PTPRG: variants seen among roughly 807,000 people sequenced by gnomAD.
The protein encoded by PTPRG is protein tyrosine phosphatase receptor type G.
In PTPRG, 102 loss-of-function variants were observed where a neutral mutation model predicts 165.3. The ratio of observed to expected loss-of-function variants is 0.62; its 90% CI spans 0.53 to 0.73. The LOEUF is 0.73. PTPRG is among the 30% of genes least tolerant of loss of function. The pLI, the probability that PTPRG is intolerant of heterozygous loss-of-function variation, is 0.00. For missense variants in PTPRG, 1,866 were observed against 1,861.4 expected, an observed-to-expected ratio of 1.00 and a Z score of -0.05; for synonymous variants, 675 against 669.5, an observed-to-expected ratio of 1.01 and a Z score of -0.13.
intron 12 of PTPRG, among the ~76,000 whole-genome samples, chr3:62,216,953 G>C (rs1028700410): frequency 1.1e-4 from 16 of 152,234 alleles, no homozygotes; most frequent in African/African-American, 3.9e-4. Context: ...TGGAGACCTG[G>C]GCTTGGAGAG....
chr3:62,034,068 C>T (rs1191166811), intron 4 of PTPRG, among the ~76,000 whole-genome samples: 1 of 152,156 alleles, frequency 6.6e-6, no homozygotes, highest in Non-Finnish European at 1.5e-5. Flanking sequence ...GCCCGGCCAG[C>T]TGATGATCCT....
intron 2 of PTPRG, among the ~76,000 whole-genome samples, chr3:61,871,158 GTGTTGTGTTA>G (rs1393314597): frequency 0.031 from 3,931 of 126,436 alleles, 95 homozygotes; most frequent in South Asian, 0.049. Flanking sequence ...GTGTTGTGTT[GTGTTGTGTTA>G]TGTTATGTTA....
chr3:62,131,310 C>A (rs1439949475), intron 5 of PTPRG, among the ~76,000 whole-genome samples: 1 of 152,166 alleles, frequency 6.6e-6, no homozygotes, highest in African/African-American at 2.4e-5. Flanking sequence ...GCAATATCTC[C>A]CCCATTTGAG....
intron 5 of PTPRG, among the ~76,000 whole-genome samples, chr3:62,095,206 C>T (rs1702070862): frequency 6.6e-6 from 1 of 152,186 alleles, no homozygotes; most frequent in African/African-American, 2.4e-5. Context: ...GTTAAGCAGA[C>T]AGTCTTGGTG....
chr3:62,265,896 T>TATATAC (rs1553662684), intron 17 of PTPRG, among the ~76,000 whole-genome samples: 7 of 130,612 alleles, frequency 5.4e-5, no homozygotes, highest in African/African-American at 1.7e-4. Context: ...GTGCCTTATA[T>TATATAC]ACACACACAC....
At chr3:61,754,321 G>A (rs1275630889) in intron 2 of PTPRG, among the ~76,000 whole-genome samples, 1 of 152,216 alleles carries the variant, frequency 6.6e-6, no homozygotes, top group Non-Finnish European at 1.5e-5. Context: ...ATTGGCACCT[G>A]TAGTATGTAC....
chr3:61,710,770 C>A (rs2031510713), intron 1 of PTPRG, among the ~76,000 whole-genome samples: 1 of 151,910 alleles, frequency 6.6e-6, no homozygotes, highest in South Asian at 2.1e-4. Flanking sequence ...TCTTTACTTT[C>A]TTTTTATTAT....
At chr3:61,787,421 T>TG (rs2034739491) in intron 2 of PTPRG, among the ~76,000 whole-genome samples, 1 of 152,214 alleles carries the variant, frequency 6.6e-6, no homozygotes, top group Non-Finnish European at 1.5e-5. Context: ...TGCCTCTGTT[T>TG]GAAAAACTTT....
intron 6 of PTPRG, among the ~76,000 whole-genome samples, chr3:62,135,859 C>T (rs1703689800): frequency 6.6e-6 from 1 of 152,140 alleles, no homozygotes; most frequent in African/African-American, 2.4e-5. Context: ...CAGAGAGCCC[C>T]AGAGCAAAGA....
chr3:61,844,149 A>G (rs962120616), intron 2 of PTPRG, among the ~76,000 whole-genome samples: 4 of 152,026 alleles, frequency 2.6e-5, no homozygotes, highest in African/African-American at 9.7e-5. Context: ...TTTTTAGTAG[A>G]GATGGGGTTT....
At chr3:61,645,807 G>A (rs923711618) in intron 1 of PTPRG, among the ~76,000 whole-genome samples, 1 of 152,224 alleles carries the variant, frequency 6.6e-6, no homozygotes, top group African/African-American at 2.4e-5. Context: ...ACAATAACAG[G>A]CAGTTGCCTG....
chr3:61,666,030 T>C (rs985792407), intron 1 of PTPRG, among the ~76,000 whole-genome samples: 1 of 151,596 alleles, frequency 6.6e-6, no homozygotes, highest in African/African-American at 2.4e-5. Flanking sequence ...TACTGGGAAC[T>C]GGAAACAGGT....
In PTPRG at chr3:61,562,319, T is replaced by C. The variant is rs963262600; in HGVS notation, c.32T>C (p.Ile11Thr). 6.2e-7 allele frequency: 1 copy of C among 1,613,526 alleles called. No individual in the cohort carries two copies. Among genetic ancestry groups the C allele is most frequent in the African/African-American group, 1.3e-5 (1 of 74,908 alleles). MRRLLEPCWW[I>T]LFLKITSSVL... is the part of the protein sequence containing the mutation. ...AGGTTACTGGAACCGTGTTGGTGGA[T>C]TTTGTTCCTGAAAATCACCAGTTCC... The change falls in exon 1 of 30, where the codon ATT becomes ACT. Residue 11 changes from isoleucine (I) to threonine (T), a missense_variant. This residue lies in a region of PTPRG where 408 missense variants were observed against 376.2 expected (regional missense o/e 1.08). Transcript: ENST00000474889.
chr3:62,117,885 G>A (rs1325073001), intron 5 of PTPRG, among the ~76,000 whole-genome samples: 2 of 152,200 alleles, frequency 1.3e-5, no homozygotes, highest in Non-Finnish European at 2.9e-5. Context: ...TTTGTTGAAT[G>A]TATGAATTAG....
rs1700586418 is a variant in PTPRG at position 62,219,064 on chromosome 3, C to G, written c.2288+81C>G. ...TGCTCACGGGAGGGGAATCCCACGG[C>G]CTCTGCATTCAGGAAGGTGAGGTAG... On this transcript the variant is annotated intron_variant, in intron 13 of 29. Coordinates refer to ENST00000474889, the MANE Select transcript of PTPRG (RefSeq NM_002841.4). This position sits in a 1 kb window ranked among gnomAD's most constrained non-coding sequence, Gnocchi z 4.5. 2 of 1,530,468 alleles carry G rather than the reference C, an allele frequency of 1.3e-6. No homozygotes were observed. Among genetic ancestry groups the G allele is most frequent in the Non-Finnish European group, 1.8e-6 (2 of 1,128,202 alleles). The allele number at this position is 1,530,468 out of a possible 1,614,324, so 94.8% of individuals were successfully genotyped here.
chr3:62,022,391 T>C (rs567916661), intron 4 of PTPRG, among the ~76,000 whole-genome samples: 1 of 152,302 alleles, frequency 6.6e-6, no homozygotes, highest in Admixed American at 6.5e-5. Context: ...ACAATACCAG[T>C]ATCTATGGGC....
At chr3:61,976,171 A>G (rs550154816) in intron 2 of PTPRG, among the ~76,000 whole-genome samples, 4 of 152,334 alleles carry the variant, frequency 2.6e-5, no homozygotes, top group Admixed American at 2.0e-4. Flanking sequence ...CAGAGTTGAC[A>G]TGGAGAAATG....
At chr3:62,136,387 G>A (rs1703710251) in intron 6 of PTPRG, among the ~76,000 whole-genome samples, 1 of 152,204 alleles carries the variant, frequency 6.6e-6, no homozygotes, top group Non-Finnish European at 1.5e-5. Flanking sequence ...AGTGCATAGA[G>A]ATTATCCAGA....
chr3:61,580,521 G>T (rs559826599), intron 1 of PTPRG, among the ~76,000 whole-genome samples: 172 of 151,830 alleles, frequency 1.1e-3, no homozygotes, highest in Non-Finnish European at 2.1e-3. Flanking sequence ...ATTTTTAGTA[G>T]AGACGGCGTT....
Sources: gnomAD v4.1 joint callset for allele counts (sites outside exome capture counted in the v4.1 genomes callset) on GRCh38, gnomAD v4.1.1 for gene constraint, gnomAD v4.1.1 regional missense constraint, Gnocchi (gnomAD v3.1) non-coding constraint, MANE v1.5 for transcripts, NCBI Gene and HGNC (gene_info 2026-07-23, HGNC 2026-07-21) for gene names.